The following CLMN variants were observed in gnomAD, a reference collection of about 807,000 sequenced individuals.
The protein encoded by CLMN is calmin (calponin-like, transmembrane).
In CLMN, 57 loss-of-function variants were observed where a neutral mutation model predicts 92.7. The ratio of observed to expected loss-of-function variants is 0.61; its 90% CI spans 0.50 to 0.77. The LOEUF is 0.77. CLMN is among the 30% of genes least tolerant of loss of function. The pLI is 0.00. For missense variants in CLMN, 1,158 were observed against 1,237.5 expected, an observed-to-expected ratio of 0.94 and a Z score of 0.96; for synonymous variants, 466 against 470.6, an observed-to-expected ratio of 0.99 and a Z score of 0.13.
intron 9 of CLMN, among the ~76,000 whole-genome samples, chr14:95,201,566 C>CT (rs57205690): frequency 0.013 from 1,762 of 139,612 alleles, 22 homozygotes; most frequent in African/African-American, 0.014. Context: ...CTTTTTTTTC[C>CT]TTTTTTTTTT....
At chr14:95,251,593 T>C (rs962485423) in intron 1 of CLMN, among the ~76,000 whole-genome samples, 2 of 152,214 alleles carry the variant, frequency 1.3e-5, no homozygotes, top group African/African-American at 4.8e-5. Context: ...TAGGTATTAT[T>C]ATCTCTGTTT....
intron 7 of CLMN, 26 bp from the exon 8 acceptor site, chr14:95,209,503 C>T (rs749471452): frequency 1.3e-6 from 2 of 1,569,774 alleles, no homozygotes; most frequent in Admixed American, 3.3e-5. Flanking sequence ...CAGGAATTAG[C>T]AGGAGATACA....
chr14:95,217,820 G>A (rs1595581425), intron 4 of CLMN, among the ~76,000 whole-genome samples: 1 of 152,198 alleles, frequency 6.6e-6, no homozygotes, highest in African/African-American at 2.4e-5. Flanking sequence ...TAGGGGTGCC[G>A]TAAACACCAT....
At chr14:95,272,779 A>G (rs1161352326) in intron 1 of CLMN, among the ~76,000 whole-genome samples, 4 of 152,236 alleles carry the variant, frequency 2.6e-5, no homozygotes, top group Non-Finnish European at 4.4e-5. Flanking sequence ...CAAGCTGATT[A>G]ATAAAATAAT....
intron 1 of CLMN, among the ~76,000 whole-genome samples, chr14:95,297,870 G>C (rs919055557): frequency 6.6e-6 from 1 of 151,432 alleles, no homozygotes; most frequent in Admixed American, 6.6e-5. Context: ...GCATATGTAT[G>C]CTCACCCACG....
chr14:95,230,257 A>AC (rs1289233868), intron 1 of CLMN, 124 bp from the exon 2 acceptor site: 1 of 857,164 alleles, frequency 1.2e-6, no homozygotes, highest in East Asian at 2.5e-5. Context: ...CCATGTAAGA[A>AC]CAGAGGCCTT....
chr14:95,286,775 T>C (rs1900360960), intron 1 of CLMN, among the ~76,000 whole-genome samples: 1 of 152,102 alleles, frequency 6.6e-6, no homozygotes. Context: ...GAGAGAACAG[T>C]GAGTTCAAAG....
At chr14:95,302,837 C>T (rs1018897117) in intron 1 of CLMN, among the ~76,000 whole-genome samples, 4 of 152,314 alleles carry the variant, frequency 2.6e-5, no homozygotes, top group Admixed American at 2.0e-4. Context: ...AAATTCAAAT[C>T]TGGGCCTGGC....
At chr14:95,264,558 C>T (rs1264060147) in intron 1 of CLMN, among the ~76,000 whole-genome samples, 1 of 152,156 alleles carries the variant, frequency 6.6e-6, no homozygotes, top group Non-Finnish European at 1.5e-5. Flanking sequence ...GCTAAGGTTA[C>T]ACTACTAGAA....
At chr14:95,257,237 CG>C (rs1348429206) in intron 1 of CLMN, among the ~76,000 whole-genome samples, 1 of 152,226 alleles carries the variant, frequency 6.6e-6, no homozygotes, top group African/African-American at 2.4e-5. Flanking sequence ...ATCGAAACAA[CG>C]GTCGAGAGCC....
chr14:95,300,163 G>A lies in CLMN; in HGVS notation c.82+19548C>T, dbSNP rs565514557. Among the ~76,000 whole-genome samples the A allele has an allele frequency of 6.6e-5, 10 of 152,322 alleles. 1 individual carries two copies. The South Asian group carries it at 1.4e-3, about 22-fold the overall frequency. On this transcript the variant is annotated intron_variant, in intron 1 of 12. Transcript: ENST00000298912. ...GTGGCCACTCCATGGGCACCACTGG[G>A]TTAGCTCTGGGCCAGGCTCCCAGAG...
chr14:95,238,673 G>A (rs1411323217), intron 1 of CLMN, among the ~76,000 whole-genome samples: 1 of 152,174 alleles, frequency 6.6e-6, no homozygotes, highest in Non-Finnish European at 1.5e-5. Context: ...TGACCAGGGA[G>A]GCACAGACGG....
intron 1 of CLMN, among the ~76,000 whole-genome samples, chr14:95,262,990 C>T (rs1311068932): frequency 1.3e-5 from 2 of 152,182 alleles, no homozygotes; most frequent in Non-Finnish European, 2.9e-5. Flanking sequence ...AGCTCTTAAC[C>T]ACCCTGCAGT....
intron 1 of CLMN, among the ~76,000 whole-genome samples, chr14:95,258,818 G>C (rs1899127664): frequency 1.4e-5 from 2 of 147,192 alleles, no homozygotes; most frequent in African/African-American, 5.0e-5. Flanking sequence ...TATGTGGAAG[G>C]TGTGTTTGTG....
chr14:95,195,458 G>A (rs1896682499), intron 10 of CLMN, among the ~76,000 whole-genome samples: 1 of 152,254 alleles, frequency 6.6e-6, no homozygotes, highest in Non-Finnish European at 1.5e-5. Flanking sequence ...GCAAGGCAGA[G>A]GGAGGTGGAA....
intron 9 of CLMN, among the ~76,000 whole-genome samples, chr14:95,198,350 T>C (rs1595556377): frequency 6.8e-6 from 1 of 146,046 alleles, no homozygotes; most frequent in East Asian, 2.4e-4. Flanking sequence ...GCTCCTGGCC[T>C]CTTTTTTTTT....
chr14:95,242,931 C>T (rs1898313066), intron 1 of CLMN, among the ~76,000 whole-genome samples: 1 of 152,162 alleles, frequency 6.6e-6, no homozygotes, highest in African/African-American at 2.4e-5. Flanking sequence ...AGAACCACTG[C>T]CCTAAGCTAG....
chr14:95,229,766 T>C (rs903430647), intron 2 of CLMN, among the ~76,000 whole-genome samples: 1 of 152,184 alleles, frequency 6.6e-6, no homozygotes, highest in Non-Finnish European at 1.5e-5. Flanking sequence ...GATGCGCACC[T>C]GAGTTTCAGG....
chr14:95,222,640 C>T (rs1269643440), intron 3 of CLMN: 1 of 455,264 alleles, frequency 2.2e-6, no homozygotes, highest in Non-Finnish European at 4.4e-6. Context: ...GGAGCATAAA[C>T]AAGGGACTAG....
Sources: allele counts gnomAD v4.1 joint callset (sites outside exome capture counted in the v4.1 genomes callset), GRCh38; gene constraint gnomAD v4.1.1; transcripts MANE v1.5; gene names NCBI Gene and HGNC (gene_info 2026-07-23, HGNC 2026-07-21).